The following CFAP43 variants were observed in gnomAD, a reference collection of about 807,000 sequenced individuals.
CFAP43 encodes cilia and flagella associated protein 43.
A neutral mutation model predicts 218.9 loss-of-function variants in CFAP43; 155 were observed. The ratio of observed to expected loss-of-function variants is 0.71; its 90% CI spans 0.62 to 0.81. The LOEUF is 0.81. Among genes scored for constraint, CFAP43 ranks in the 30% least tolerant of loss-of-function variants. CFAP43 has a pLI of 0.00. For missense variants in CFAP43, 1,778 were observed against 1,954.3 expected, an observed-to-expected ratio of 0.91 and a Z score of 1.70; for synonymous variants, 645 against 681.3, an observed-to-expected ratio of 0.95 and a Z score of 0.83.
chr10:104,160,073 G>T (rs922569591), intron 27 of CFAP43, among the ~76,000 whole-genome samples: 6 of 152,174 alleles, frequency 3.9e-5, no homozygotes, highest in Non-Finnish European at 7.3e-5. Context: ...AGAAGGCAGA[G>T]TATCAGATTT....
intron 27 of CFAP43, among the ~76,000 whole-genome samples, chr10:104,155,790 G>C (rs112895185): frequency 3.9e-5 from 6 of 152,168 alleles, no homozygotes; most frequent in East Asian, 3.9e-4. Flanking sequence ...CAGCGAGAAT[G>C]ACCTACAGGT....
chr10:104,232,336 C>T lies in CFAP43; in HGVS notation c.-90G>A. 1 of 1,306,998 alleles carries T rather than the reference C, an allele frequency of 7.7e-7. No individual in the cohort carries two copies. Among genetic ancestry groups the T allele is most frequent in the Non-Finnish European group, 1.0e-6 (1 of 979,726 alleles). 81.0% of individuals were successfully genotyped at this position (1,306,998 alleles called of 1,614,324 possible). ...TTTCCGCCGCCGCGGGGCTGCGGGC[C>T]GCGACGCCGCTGCTGTGTACACCCG... On this transcript the variant is annotated 5_prime_UTR_variant, in exon 1 of 38. Coordinates refer to ENST00000357060, the MANE Select transcript of CFAP43 (RefSeq NM_025145.7).
chr10:104,132,387 G>A (rs918188894), intron 35 of CFAP43, among the ~76,000 whole-genome samples, 191 bp from the exon 36 acceptor site: 14 of 152,124 alleles, frequency 9.2e-5, no homozygotes, highest in African/African-American at 3.4e-4. Context: ...TGAGGCAGGT[G>A]GATCACCTGA....
Position 104,167,733 on chromosome 10 carries a change from A to C in CFAP43, c.2696T>G (p.Phe899Cys). 1 of 1,602,914 alleles carries C rather than the reference A, an allele frequency of 6.2e-7. No homozygotes were observed. The highest frequency in any genetic ancestry group is 8.5e-7 in the Non-Finnish European group (1 of 1,176,630). The change falls in exon 22 of 38, where the codon TTT (phenylalanine) becomes TGT (cysteine). Residue 899 changes from phenylalanine (F) to cysteine (C), a missense_variant. Phe to Cys is a radical substitution (Grantham distance 205). Coordinates refer to ENST00000357060, the MANE Select transcript of CFAP43 (RefSeq NM_025145.7). ...GTTTTCAACCACACAGGGGATATGAAAACACTTGGGGAAAAAAACGCAAGA... is the reference window on the plus strand; with the variant it reads ...GTTTTCAACCACACAGGGGATATGACAACACTTGGGGAAAAAAACGCAAGA... The part of the protein sequence containing the change: ...MAVKGRALKC[F>C]HIPCVVENFP...
chr10:104,187,478 C>T lies in CFAP43; in HGVS notation c.1702G>A (p.Ala568Thr). The change falls in exon 14 of 38, where the codon GCT (alanine) becomes ACT (threonine). Residue 568 changes from alanine to threonine, a missense_variant. Physicochemically the swap from Ala to Thr is moderately conservative, Grantham distance 58. Coordinates refer to ENST00000357060, the MANE Select transcript of CFAP43 (RefSeq NM_025145.7). ...TCTTTCAGCCTTCCTCTTTCATCAGCAAAGGTTGTGGAAACTATTAGATTT... is the reference window on the plus strand; with the variant it reads ...TCTTTCAGCCTTCCTCTTTCATCAGTAAAGGTTGTGGAAACTATTAGATTT... ...TLLPQVSTTF[A>T]DERGRLKDEI... 2 of 1,584,878 alleles carry T rather than the reference C, an allele frequency of 1.3e-6. No individual in the cohort carries two copies.
chr10:104,214,007 CT>C, intron 4 of CFAP43, among the ~76,000 whole-genome samples: 1 of 152,204 alleles, frequency 6.6e-6, no homozygotes, highest in South Asian at 2.1e-4. Context: ...TCTCAGAGAA[CT>C]TAATATTTTA....
rs1156316235 is a variant in CFAP43, at chr10:104,187,392, G to A, written c.1788C>T (p.Gly596=). ...LEHALSSAVL[G]FQSNQIYGFC... Reference sequence around the variant, plus strand: ...AGCCATATATTTGGTTACTTTGAAAGCCCAAGACTGCAGAGGACAGAGCGT... The same window carrying A: ...AGCCATATATTTGGTTACTTTGAAAACCCAAGACTGCAGAGGACAGAGCGT... The change falls in exon 14 of 38, where the codon GGC becomes GGT. Residue 596 remains glycine, a synonymous_variant. Coordinates refer to ENST00000357060, the MANE Select transcript of CFAP43 (RefSeq NM_025145.7). 1 of 1,612,582 alleles carries A rather than the reference G, an allele frequency of 6.2e-7. No individual in the cohort carries two copies. The highest frequency in any genetic ancestry group is 2.2e-5 in the East Asian group (1 of 44,762).
intron 27 of CFAP43, among the ~76,000 whole-genome samples, chr10:104,155,000 G>T (rs949506761): frequency 3.9e-5 from 6 of 152,204 alleles, no homozygotes; most frequent in Admixed American, 2.0e-4. Flanking sequence ...GTAAGGGGGT[G>T]AGGGAAGCAG....
chr10:104,169,096 A>C (rs2134837042), intron 20 of CFAP43, among the ~76,000 whole-genome samples: 1 of 152,138 alleles, frequency 6.6e-6, no homozygotes, highest in Admixed American at 6.5e-5. Flanking sequence ...CAGTACCTCT[A>C]CCTCTAAGGA....
chr10:104,194,262 G>A (rs374985887), intron 10 of CFAP43, among the ~76,000 whole-genome samples: 82 of 152,126 alleles, frequency 5.4e-4, no homozygotes, highest in African/African-American at 1.9e-3. Context: ...GAGATTTCTT[G>A]AAATTGAAAT....
chr10:104,180,036 T>G, intron 17 of CFAP43, 104 bp from the exon 18 acceptor site: 1 of 869,350 alleles, frequency 1.2e-6, no homozygotes, highest in Non-Finnish European at 1.8e-6. Flanking sequence ...CCTTTGTATT[T>G]GTTGCATTTT....
intron 3 of CFAP43, among the ~76,000 whole-genome samples, chr10:104,220,980 G>A (rs1448209294): frequency 1.3e-5 from 2 of 151,796 alleles, no homozygotes; most frequent in East Asian, 3.9e-4. Context: ...GTGTGTGTGT[G>A]TGTGTGTGTG....
At position 104,142,815 on chromosome 10, in the gene CFAP43, G is replaced by A. The variant is rs2087770070; in HGVS notation, c.4159-422C>T. Among the ~76,000 whole-genome samples the A allele has an allele frequency of 3.9e-5, 6 of 152,110 alleles. No individual in the cohort carries two copies. The South Asian group carries it at 1.0e-3, about 26-fold the overall frequency. On this transcript the variant is annotated intron_variant, in intron 32 of 37. Coordinates refer to ENST00000357060, the MANE Select transcript of CFAP43 (RefSeq NM_025145.7). The stretch of plus-strand genomic sequence containing the variant: ...TAAAGACCCTCTTAAATTTTTACTC[G>A]TTGCCACATTCTAGCAAAACTATAA...
chr10:104,196,851 A>T lies in CFAP43; in HGVS notation c.1293+2T>A, dbSNP rs2090395257. 4.4e-6 allele frequency: 7 copies of T among 1,603,714 alleles called. No individual in the cohort carries two copies. The highest frequency in any genetic ancestry group is 6.0e-6 in the Non-Finnish European group (7 of 1,174,896). On this transcript the variant is annotated splice_donor_variant, in intron 10 of 37. Transcript: ENST00000357060. LOFTEE classifies it high-confidence loss of function. ...TAAAATCCATTTATCAAGTATACTT[A>T]CTAGGGTATTCAGATAAATCTTGCT...
intron 12 of CFAP43, among the ~76,000 whole-genome samples, chr10:104,191,638 C>A (rs1004273126): frequency 6.6e-6 from 1 of 151,954 alleles, no homozygotes; most frequent in African/African-American, 2.4e-5. Flanking sequence ...CCTACAAGGC[C>A]TAGGTTTGGC....
intron 14 of CFAP43, 112 bp from the exon 15 acceptor site, chr10:104,186,235 G>A (rs2090024793): frequency 4.9e-6 from 4 of 821,664 alleles, no homozygotes; most frequent in Non-Finnish European, 7.0e-6. Context: ...AAATGATATG[G>A]CATAAAGTGC....
intron 5 of CFAP43, among the ~76,000 whole-genome samples, chr10:104,210,581 G>A (rs1006374231): frequency 2.0e-5 from 3 of 152,078 alleles, no homozygotes; most frequent in African/African-American, 7.2e-5. Context: ...GGCCAAAAAA[G>A]TGGAGCTTCT....
At chr10:104,185,849 G>T in intron 15 of CFAP43, 125 bp downstream of exon 15, 2 of 710,230 alleles carry the variant, frequency 2.8e-6, no homozygotes, top group Non-Finnish European at 4.4e-6. Flanking sequence ...AAGGTAATTA[G>T]TACCTTCAAT....
rs1405806575 is a variant in CFAP43, at chr10:104,142,292, A to G, written c.4260T>C (p.His1420=). ...KVQQEIERVF[H]ELILLQEEKV... is the part of the protein sequence containing the mutation. ...AAGCTTCAAATTACAGGATGAGTTC[A>G]TGGAACACTCTCTCAATCTCCTGTT... is the stretch of plus-strand genomic sequence containing the variant. The change falls in exon 33 of 38, where the codon CAT becomes CAC. Residue 1420 remains histidine (H), a synonymous_variant. Coordinates refer to ENST00000357060, the MANE Select transcript of CFAP43 (RefSeq NM_025145.7). The G allele has an allele frequency of 2.5e-6, 4 of 1,612,884 alleles. No individual in the cohort carries two copies. The highest frequency in any genetic ancestry group is 3.4e-6 in the Non-Finnish European group (4 of 1,179,484).
Sources: gnomAD v4.1 joint callset for allele counts (sites outside exome capture counted in the v4.1 genomes callset) on GRCh38, gnomAD v4.1.1 for gene constraint, MANE v1.5 for transcripts, NCBI Gene and HGNC (gene_info 2026-07-23, HGNC 2026-07-21) for gene names.